Variants in SLC11A2 observed in about 807,000 individuals in gnomAD.
SLC11A2 encodes the protein natural resistance-associated macrophage protein 2.
Under a neutral mutation model 68.0 loss-of-function variants are expected in SLC11A2, and 38 were observed. The ratio of observed to expected loss-of-function variants is 0.56; its 90% CI spans 0.43 to 0.73. The LOEUF (loss-of-function observed/expected upper bound fraction) is 0.73. Among genes scored for constraint, SLC11A2 ranks in the 30% least tolerant of loss-of-function variants. The pLI is 0.00. For missense variants in SLC11A2, 517 were observed against 690.5 expected, an observed-to-expected ratio of 0.75 and a Z score of 2.82; for synonymous variants, 242 against 250.6, an observed-to-expected ratio of 0.97 and a Z score of 0.32.
chr12:50,991,724 T>A, intron 13 of SLC11A2, 52 bp from the exon 14 acceptor site: 1 of 1,333,202 alleles, frequency 7.5e-7, no homozygotes, highest in Non-Finnish European at 1.1e-6. Context: ...TGTATCACCC[T>A]AGAGAACAGC....
At chr12:50,982,810 GC>G (rs1455980918), downstream of SLC11A2, among the ~76,000 whole-genome samples, 4 of 147,968 alleles carry the variant, frequency 2.7e-5, no homozygotes, top group African/African-American at 1.0e-4. Context: ...GCATGGTGGC[GC>G]ATGCCTGTAA....
chr12:50,967,010 G>A, the SLC11A2 span, among the ~76,000 whole-genome samples: 5 of 151,968 alleles, frequency 3.3e-5, no homozygotes, highest in Non-Finnish European at 5.9e-5. Flanking sequence ...CCTGCTACTC[G>A]GGAGGCTGAG....
chr12:50,979,607 A>T (rs530723575), downstream of SLC11A2: 2 of 312,872 alleles, frequency 6.4e-6, no homozygotes, highest in East Asian at 1.6e-4. Context: ...AACTGATGTG[A>T]ATTCAGTCTC....
chr12:50,992,438 G>A, intron 12 of SLC11A2, 99 bp from the exon 13 acceptor site: 1 of 1,150,072 alleles, frequency 8.7e-7, no homozygotes. Flanking sequence ...GGATTAAGAA[G>A]TGACAAAAGG....
At chr12:50,983,602 C>T (rs1940261707), downstream of SLC11A2, among the ~76,000 whole-genome samples, 1 of 152,122 alleles carries the variant, frequency 6.6e-6, no homozygotes, top group Admixed American at 6.5e-5. Context: ...CTTTGAGAGG[C>T]CGAGGCAGGC....
intron 1 of SLC11A2, among the ~76,000 whole-genome samples, chr12:51,021,908 G>C (rs1226954075): frequency 6.6e-6 from 1 of 152,050 alleles, no homozygotes; most frequent in African/African-American, 2.4e-5. Flanking sequence ...CTGTCAAGGA[G>C]TACTTATCTT....
In SLC11A2 at chr12:51,005,417, C is replaced by T. The variant is rs773212190; in HGVS notation, c.203G>A (p.Arg68His). ...PEEEYSCFSFRKLWAFTGPGF... is the reference protein window; with the variant it reads ...PEEEYSCFSFHKLWAFTGPGF... ...TGGTCCGGTGAAAGCCCAGAGTTTA[C>T]GAAAGCTAAAACAAGAGTACTGTAC... Residue 68 changes from arginine to histidine, a missense_variant, in exon 4 of 16, where the codon CGT becomes CAT. Arg to His is a conservative substitution (Grantham distance 29). Transcript: ENST00000262052. 9.3e-6 allele frequency: 15 copies of T among 1,613,470 alleles called. No homozygotes were observed. Among genetic ancestry groups the T allele is most frequent in the African/African-American group, 4.0e-5 (3 of 74,816 alleles).
At chr12:51,019,532 G>A (rs1421417273) in intron 1 of SLC11A2, among the ~76,000 whole-genome samples, 1 of 151,950 alleles carries the variant, frequency 6.6e-6, no homozygotes, top group Admixed American at 6.6e-5. Context: ...TTTTAATGAG[G>A]AAGGTTATTA....
At chr12:50,978,014 A>G (rs829025), downstream of SLC11A2, among the ~76,000 whole-genome samples, 68,743 of 152,000 alleles carry the variant, frequency 0.45, 16,900 homozygotes, top group Non-Finnish European at 0.56. Flanking sequence ...GAGAGGATGC[A>G]GAGAAATAGG....
In SLC11A2 at chr12:50,988,426, A is replaced by T; in HGVS notation, c.1585T>A (p.Cys529Ser). The stretch of plus-strand genomic sequence containing the variant: ...AAGGACATGCCCAGTGCAATCAAAC[A>T]TTGCCAACCCTGAAAGACAAAATAT... ...LGFVFYLGWQCLIALGMSFLD... is the reference protein window; with the variant it reads ...LGFVFYLGWQSLIALGMSFLD... Residue 529 changes from cysteine to serine, a missense_variant, in exon 16 of 16, where the codon TGT (cysteine) becomes AGT (serine). Transcript: ENST00000262052. The T allele has an allele frequency of 6.2e-7, 1 of 1,613,942 alleles. No homozygotes were observed. The highest frequency in any genetic ancestry group is 8.5e-7 in the Non-Finnish European group (1 of 1,179,872).
chr12:51,006,081 G>A (rs898326653), intron 3 of SLC11A2: 1 of 205,532 alleles, frequency 4.9e-6, no homozygotes. Context: ...ATCACCTGAG[G>A]TTGGGAGTTC....
rs979394886 is a variant in SLC11A2, at chr12:50,988,291, G to A, written c.*34C>T. On this transcript the variant is annotated 3_prime_UTR_variant, in exon 16 of 16. Coordinates refer to ENST00000262052, the MANE Select transcript of SLC11A2 (RefSeq NM_000617.3). ...TAAACCATAGAAACACACTGGCTCT[G>A]ATGGCTACCTGCAGAAGACAGACTA... is the stretch of plus-strand genomic sequence containing the variant. 4.3e-6 allele frequency: 7 copies of A among 1,613,532 alleles called. No homozygotes were observed. The highest frequency in any genetic ancestry group is 5.9e-6 in the Non-Finnish European group (7 of 1,179,724).
chr12:50,992,767 A>G (rs2136194538), intron 12 of SLC11A2, 43 bp downstream of exon 12: 3 of 1,606,868 alleles, frequency 1.9e-6, no homozygotes, highest in Non-Finnish European at 2.6e-6. Context: ...AAGAAGTAAC[A>G]AAAGGGTTGT....
In SLC11A2 at chr12:50,993,992, C is replaced by CAAAAAAAAAA. The variant is rs71663850; in HGVS notation, c.1077+542_1077+551dup. Among the ~76,000 whole-genome samples the CAAAAAAAAAA allele has an allele frequency of 5.6e-3, 270 of 48,402 alleles. 15 individuals carry two copies. The highest frequency in any genetic ancestry group is 0.017 in the African/African-American group (231 of 13,204). The allele number at this position is 48,402 out of a possible 152,430, so 31.8% of individuals were successfully genotyped here. On this transcript the variant is annotated intron_variant, in intron 11 of 15. Transcript: ENST00000262052. ...GGGCAACAGAGCAAGACCTTGTCTC[C>CAAAAAAAAAA]AAAAAAAAAAAAAAAAAAAAAAAAA...
chr12:51,017,512 C>A (rs1195074419), intron 1 of SLC11A2, among the ~76,000 whole-genome samples: 29 of 152,064 alleles, frequency 1.9e-4, no homozygotes, highest in Admixed American at 1.9e-3. Context: ...AGTAGGAGAG[C>A]CCAAATGAGG....
chr12:50,960,399 C>T, the SLC11A2 span, among the ~76,000 whole-genome samples: 2 of 152,184 alleles, frequency 1.3e-5, no homozygotes, highest in African/African-American at 2.4e-5. Flanking sequence ...AACTTTGTAG[C>T]ATGCACAGTT....
At chr12:50,997,562 C>T (rs951447153) in intron 8 of SLC11A2, among the ~76,000 whole-genome samples, 1 of 149,090 alleles carries the variant, frequency 6.7e-6, no homozygotes, top group Non-Finnish European at 1.5e-5. Flanking sequence ...TGTGGTGGTG[C>T]ATACCTATAG....
At chr12:50,972,018 G>T in the SLC11A2 span, among the ~76,000 whole-genome samples, 1 of 152,110 alleles carries the variant, frequency 6.6e-6, no homozygotes, top group Non-Finnish European at 1.5e-5. Flanking sequence ...TGTCCTCTTT[G>T]GAAAATAGGC....
chr12:51,008,449 G>C (rs1323335440), intron 3 of SLC11A2, 27 bp downstream of exon 3: 1 of 1,601,098 alleles, frequency 6.2e-7, no homozygotes, highest in Non-Finnish European at 8.6e-7. Context: ...AGACAATAGT[G>C]TTCTCCTCCA....
Sources: gnomAD v4.1 joint callset for allele counts (sites outside exome capture counted in the v4.1 genomes callset) on GRCh38, gnomAD v4.1.1 for gene constraint, MANE v1.5 for transcripts, NCBI Gene and HGNC (gene_info 2026-07-23, HGNC 2026-07-21) for gene names.